Variants in PCDHA8 observed in about 807,000 individuals in gnomAD.
The protein encoded by PCDHA8 is protocadherin alpha 8, also known as protocadherin alpha-8.
In PCDHA8, 53 loss-of-function variants were observed where a neutral mutation model predicts 61.8. The ratio of observed to expected loss-of-function variants is 0.86; its 90% CI spans 0.69 to 1.08. The LOEUF (loss-of-function observed/expected upper bound fraction) is 1.08. PCDHA8 is among the 50% of genes least tolerant of loss of function. PCDHA8 has a pLI of 0.00. For synonymous variants in PCDHA8, 618 were observed against 556.6 expected (o/e 1.11, Z -1.55); for missense variants, 1,293 against 1,245.0 (o/e 1.04, Z -0.58).
At position 140,870,696 on chromosome 5, in the gene PCDHA8, G is replaced by A. The variant is rs377050637; in HGVS notation, c.2394+26981G>A. The A allele has an allele frequency of 1.1e-5, 17 of 1,612,906 alleles. No individual in the cohort carries two copies. The African/African-American group carries it at 1.9e-4, about 18-fold the overall frequency. ...ACCACGAGGAGCTGGAGCTGCTACA[G>A]TTCCAGGTGAGCGCGCGCGATGCGG... On this transcript the variant is annotated intron_variant, in intron 1 of 3. Coordinates refer to ENST00000531613, the MANE Select transcript of PCDHA8 (RefSeq NM_018911.3).
chr5:140,875,159 C>T (rs60784460), intron 1 of PCDHA8: 4,491 of 336,216 alleles, frequency 0.013, 178 homozygotes, highest in African/African-American at 0.087. Flanking sequence ...TGAAAAATAA[C>T]CCAAAGTCGA....
In PCDHA8 at chr5:141,006,613, A is replaced by G. The variant is rs543043401; in HGVS notation, c.2543-3014A>G. 2.0e-5 allele frequency among the ~76,000 whole-genome samples: 3 copies of G among 152,308 alleles called. No individual in the cohort carries two copies. In the South Asian group the frequency reaches 6.2e-4, roughly 32 times the overall value. Reference sequence around the variant, plus strand: ...AGCAAAAGTGGAAGCAGACTGAATAAGGAGACTATTGCTGCAATTCATATA... The same window carrying G: ...AGCAAAAGTGGAAGCAGACTGAATAGGGAGACTATTGCTGCAATTCATATA... On this transcript the variant is annotated intron_variant, in intron 3 of 3. Coordinates refer to ENST00000531613, the MANE Select transcript of PCDHA8 (RefSeq NM_018911.3).
At chr5:140,934,312 A>G (rs2089755727) in intron 1 of PCDHA8, among the ~76,000 whole-genome samples, 1 of 152,108 alleles carries the variant, frequency 6.6e-6, no homozygotes, top group South Asian at 2.1e-4. Context: ...CTTACTGCAA[A>G]TGTCCAATCA....
intron 1 of PCDHA8, chr5:140,930,518 T>G (rs782236970): frequency 3.3e-5 from 5 of 152,592 alleles, no homozygotes; most frequent in Non-Finnish European, 5.9e-5. Flanking sequence ...CCACTGCAGC[T>G]GGCCCTCAAA....
intron 1 of PCDHA8, among the ~76,000 whole-genome samples, chr5:140,931,210 G>A (rs1326851548): frequency 6.6e-6 from 1 of 152,064 alleles, no homozygotes; most frequent in African/African-American, 2.4e-5. Flanking sequence ...TAGTATTTCA[G>A]GTATCAGAGC....
chr5:140,920,766 C>T (rs370765138), intron 1 of PCDHA8, among the ~76,000 whole-genome samples: 66 of 151,878 alleles, frequency 4.3e-4, no homozygotes, highest in African/African-American at 1.6e-3. Context: ...ATTGCTTACA[C>T]CTGGGAGGTG....
chr5:141,004,619 G>C (rs1004302739), intron 3 of PCDHA8, among the ~76,000 whole-genome samples: 9 of 152,136 alleles, frequency 5.9e-5, no homozygotes, highest in Non-Finnish European at 1.0e-4. Context: ...GCAGAGTCCT[G>C]GTTATGGTTG....
intron 3 of PCDHA8, among the ~76,000 whole-genome samples, chr5:141,006,898 C>A (rs2098293427): frequency 6.6e-6 from 1 of 152,152 alleles, no homozygotes; most frequent in East Asian, 1.9e-4. Context: ...TTTCAGATTT[C>A]TTCAGTTTGG....
intron 1 of PCDHA8, among the ~76,000 whole-genome samples, chr5:140,977,672 A>G (rs1404527905): frequency 6.6e-6 from 1 of 152,202 alleles, no homozygotes; most frequent in East Asian, 1.9e-4. Flanking sequence ...TGCATGCCAA[A>G]TATCATGTAG....
chr5:140,883,806 A>T (rs1554180079), intron 1 of PCDHA8: 1 of 1,612,344 alleles, frequency 6.2e-7, no homozygotes, highest in East Asian at 2.2e-5. Flanking sequence ...GTGCACGCGG[A>T]GAGCGGCAAG....
chr5:140,917,332 G>GA, intron 1 of PCDHA8, among the ~76,000 whole-genome samples: 1 of 145,644 alleles, frequency 6.9e-6, no homozygotes, highest in Non-Finnish European at 1.5e-5. Context: ...GGCGGGGGAG[G>GA]GGGGGGATGG....
At chr5:140,978,769 T>C in intron 1 of PCDHA8, 180 bp from the exon 2 acceptor site, 1 of 957,338 alleles carries the variant, frequency 1.0e-6, no homozygotes, top group Non-Finnish European at 1.2e-6. Flanking sequence ...CCTGATGAAC[T>C]AATTTTCTTC....
intron 1 of PCDHA8, chr5:140,967,118 C>T: frequency 6.2e-7 from 1 of 1,612,940 alleles, no homozygotes; most frequent in Non-Finnish European, 8.5e-7. Context: ...GCCTCGCTGC[C>T]TGCTCAGCTT....
rs114961630 is a variant in PCDHA8 at position 140,926,715 on chromosome 5, G to A, written c.2395-52234G>A. 1,110 of 952,350 alleles carry A rather than the reference G, an allele frequency of 1.2e-3. 9 individuals carry two copies. The African/African-American group carries it at 0.017, about 15-fold the overall frequency. The allele number at this position is 952,350 out of a possible 1,614,324, so 59.0% of individuals were successfully genotyped here. A position where few individuals can be genotyped will look rare whatever the true frequency, so the allele number is the denominator to read the frequency against. On this transcript the variant is annotated intron_variant, in intron 1 of 3. Transcript: ENST00000531613. ...GCCCGGCTCCCAGCTGGCCAGCCCC[G>A]GCAATGCCGGCGTTCGGGAGGCGCA... is the stretch of plus-strand genomic sequence containing the variant.
chr5:140,978,806 C>G (rs1554239758), intron 1 of PCDHA8, 143 bp from the exon 2 acceptor site: 2 of 1,492,474 alleles, frequency 1.3e-6, no homozygotes, highest in Non-Finnish European at 1.8e-6. Context: ...TAGATATCAT[C>G]ATAGAGTTAC....
intron 1 of PCDHA8, chr5:140,870,948 C>A (rs868931274): frequency 1.2e-6 from 2 of 1,613,466 alleles, no homozygotes; most frequent in African/African-American, 1.3e-5. Context: ...CGGCGGCGGG[C>A]GGCTCGCGCA....
intron 1 of PCDHA8, chr5:140,877,890 T>C (rs1554170211): frequency 6.9e-7 from 1 of 1,458,078 alleles, no homozygotes; most frequent in Non-Finnish European, 9.0e-7. Flanking sequence ...AGAACTTCCG[T>C]TTAGGTTATA....
At chr5:140,877,270 G>C in intron 1 of PCDHA8, 2 of 1,613,864 alleles carry the variant, frequency 1.2e-6, no homozygotes, top group Non-Finnish European at 1.7e-6. Context: ...GGTGGACGCT[G>C]ACTCCGGCTA....
intron 1 of PCDHA8, chr5:140,851,337 C>A: frequency 1.0e-6 from 1 of 979,030 alleles, no homozygotes; most frequent in Non-Finnish European, 1.2e-6. Flanking sequence ...TAGTTCTCTA[C>A]ATTTCTCTGG....
Sources: allele counts gnomAD v4.1 joint callset (sites outside exome capture counted in the v4.1 genomes callset), GRCh38; gene constraint gnomAD v4.1.1; transcripts MANE v1.5; gene names NCBI Gene and HGNC (gene_info 2026-07-23, HGNC 2026-07-21).